Variants in CCDC91 observed in about 807,000 individuals in gnomAD.
CCDC91 encodes the protein coiled-coil domain containing 91, also known as coiled-coil domain-containing protein 91.
CCDC91 carries 48 observed loss-of-function variants against 63.2 expected under a neutral mutation model. The ratio of observed to expected loss-of-function variants is 0.76; its 90% CI spans 0.60 to 0.97. The LOEUF (loss-of-function observed/expected upper bound fraction) is 0.97, where lower values mean the gene tolerates loss of function less well. Among genes scored for constraint, CCDC91 ranks in the 50% least tolerant of loss-of-function variants. CCDC91 has a pLI of 0.00. For synonymous variants in CCDC91, 167 were observed against 165.8 expected, an observed-to-expected ratio of 1.01 and a Z score of -0.06; for missense variants, 500 against 494.6, an observed-to-expected ratio of 1.01 and a Z score of -0.10.
At chr12:28,453,776 G>C (rs774387232) in intron 11 of CCDC91, among the ~76,000 whole-genome samples, 1 of 152,058 alleles carries the variant, frequency 6.6e-6, no homozygotes, top group Non-Finnish European at 1.5e-5. Context: ...TTTCATGCCA[G>C]TAAGGTCAAG....
chr12:28,310,864 T>G (rs1939250192), intron 6 of CCDC91, among the ~76,000 whole-genome samples: 1 of 152,060 alleles, frequency 6.6e-6, no homozygotes, highest in African/African-American at 2.4e-5. Context: ...CCGAAGCATT[T>G]TTATTATGGT....
At chr12:28,396,271 A>T (rs1392040687) in intron 8 of CCDC91, among the ~76,000 whole-genome samples, 2 of 152,156 alleles carry the variant, frequency 1.3e-5, no homozygotes, top group African/African-American at 4.8e-5. Context: ...GTAAGACCAT[A>T]TGAGGGTGCT....
intron 8 of CCDC91, among the ~76,000 whole-genome samples, chr12:28,393,359 T>C (rs1244245002): frequency 1.3e-5 from 2 of 151,918 alleles, no homozygotes; most frequent in African/African-American, 2.4e-5. Context: ...AACTACTTTG[T>C]ATTTTTTTTT....
At chr12:28,529,817 A>G (rs1354691514) in intron 12 of CCDC91, among the ~76,000 whole-genome samples, 2 of 152,182 alleles carry the variant, frequency 1.3e-5, no homozygotes, top group Non-Finnish European at 2.9e-5. Flanking sequence ...AATCTTCCAT[A>G]TATGTCTTTT....
At chr12:28,535,411 A>G (rs181491539) in intron 12 of CCDC91, among the ~76,000 whole-genome samples, 1 of 152,164 alleles carries the variant, frequency 6.6e-6, no homozygotes, top group African/African-American at 2.4e-5. Flanking sequence ...GCACAACGCC[A>G]TTTATTTATG....
chr12:28,274,198 G>T (rs1406549844), intron 3 of CCDC91, among the ~76,000 whole-genome samples: 1 of 151,996 alleles, frequency 6.6e-6, no homozygotes, highest in Non-Finnish European at 1.5e-5. Flanking sequence ...CCATTGGTCT[G>T]TGTCTCTGTT....
At chr12:28,318,312 A>G (rs1451290619) in intron 6 of CCDC91, among the ~76,000 whole-genome samples, 2 of 151,604 alleles carry the variant, frequency 1.3e-5, no homozygotes, top group Non-Finnish European at 2.9e-5. Context: ...GCTTGAGCCC[A>G]GGTAAATCGA....
chr12:28,211,136 T>C (rs1157525315), intron 1 of CCDC91, among the ~76,000 whole-genome samples: 1 of 150,038 alleles, frequency 6.7e-6, no homozygotes, highest in African/African-American at 2.5e-5. Flanking sequence ...CAGAATTCTT[T>C]TTTGTGTTAA....
chr12:28,258,099 T>G (rs1021944513), intron 2 of CCDC91, among the ~76,000 whole-genome samples: 8 of 152,054 alleles, frequency 5.3e-5, no homozygotes, highest in African/African-American at 1.9e-4. Context: ...TGTTAGGATC[T>G]TCTTCTCTTT....
At chr12:28,278,271 C>G (rs1202726095) in intron 3 of CCDC91, among the ~76,000 whole-genome samples, 1 of 151,998 alleles carries the variant, frequency 6.6e-6, no homozygotes, top group African/African-American at 2.4e-5. Context: ...CTATTCTGAT[C>G]TTCCCTTTTG....
intron 3 of CCDC91, among the ~76,000 whole-genome samples, chr12:28,274,808 C>T (rs1173382847): frequency 6.6e-6 from 1 of 152,076 alleles, no homozygotes; most frequent in Non-Finnish European, 1.5e-5. Context: ...TTGACTTCCC[C>T]TTTTCCTAAT....
At chr12:28,536,623 C>A (rs796674434) in intron 12 of CCDC91, among the ~76,000 whole-genome samples, 14 of 152,162 alleles carry the variant, frequency 9.2e-5, no homozygotes, top group African/African-American at 3.4e-4. Context: ...AAAATACTGC[C>A]TACTTAATTT....
At chr12:28,310,686 A>G (rs1939233372) in intron 6 of CCDC91, among the ~76,000 whole-genome samples, 1 of 151,998 alleles carries the variant, frequency 6.6e-6, no homozygotes, top group Admixed American at 6.6e-5. Context: ...TGAGGAAAGC[A>G]TTTCTATCCT....
At chr12:28,190,792 C>T (rs1941149185) in intron 1 of CCDC91, 151 bp downstream of exon 1, 1 of 152,232 alleles carries the variant, frequency 6.6e-6, no homozygotes, top group Non-Finnish European at 1.5e-5. Flanking sequence ...TCGCAGCGAC[C>T]AGGAGTCAGG....
chr12:28,356,275 C>T (rs1371776261), intron 6 of CCDC91, among the ~76,000 whole-genome samples: 1 of 152,124 alleles, frequency 6.6e-6, no homozygotes, highest in South Asian at 2.1e-4. Flanking sequence ...AACAACCAGG[C>T]TTATTGCAGC....
At chr12:28,267,854 A>T (rs368601410) in intron 3 of CCDC91, among the ~76,000 whole-genome samples, 12,024 of 52,714 alleles carry the variant, frequency 0.23, 2,658 homozygotes, top group Non-Finnish European at 0.31. Context: ...ATTATATAGT[A>T]ATATATAATT....
At chr12:28,291,671 A>T (rs1311257502) in intron 3 of CCDC91, among the ~76,000 whole-genome samples, 2 of 152,210 alleles carry the variant, frequency 1.3e-5, no homozygotes, top group East Asian at 3.8e-4. Flanking sequence ...TGCATGTCAC[A>T]ATCTGATTGA....
At chr12:28,310,569 A>C (rs574850427) in intron 6 of CCDC91, among the ~76,000 whole-genome samples, 1 of 152,026 alleles carries the variant, frequency 6.6e-6, no homozygotes, top group Non-Finnish European at 1.5e-5. Flanking sequence ...ACGGAGTGTT[A>C]AACACCTTGG....
At chr12:28,267,721 A>AG (rs1178257607) in intron 3 of CCDC91, among the ~76,000 whole-genome samples, 1 of 71,330 alleles carries the variant, frequency 1.4e-5, no homozygotes, top group East Asian at 4.8e-4. Flanking sequence ...ATAATTATAT[A>AG]TATTATTTAT....
Sources: gnomAD v4.1 joint callset for allele counts (sites outside exome capture counted in the v4.1 genomes callset) on GRCh38, gnomAD v4.1.1 for gene constraint, MANE v1.5 for transcripts, NCBI Gene and HGNC (gene_info 2026-07-23, HGNC 2026-07-21) for gene names.